The following CRIM1 variants were observed in gnomAD, a reference collection of about 807,000 sequenced individuals.
CRIM1 encodes the protein cysteine-rich motor neuron 1 protein.
CRIM1 carries 32 observed loss-of-function variants against 116.4 expected under a neutral mutation model. That is an observed-to-expected ratio of 0.27 (90% CI 0.21 to 0.37). The LOEUF (loss-of-function observed/expected upper bound fraction) is 0.37, where lower values mean the gene tolerates loss of function less well. Ranked by LOEUF, CRIM1 falls within the 10% of genes least tolerant of loss-of-function variation. CRIM1 has a pLI of 1.00. For synonymous variants in CRIM1, 590 were observed against 509.2 expected (o/e 1.16, Z -2.13); for missense variants, 1,331 against 1,354.8 (o/e 0.98, Z 0.28).
At chr2:36,531,207 G>T (rs1170888049) in intron 13 of CRIM1, among the ~76,000 whole-genome samples, 1 of 152,156 alleles carries the variant, frequency 6.6e-6, no homozygotes, top group African/African-American at 2.4e-5. Context: ...CTCCCAGGAG[G>T]TTACTCCCAC....
At position 36,528,577 on chromosome 2, in the gene CRIM1, C is replaced by T. The variant is rs186905568; in HGVS notation, c.2428+6264C>T. 8.9e-4 allele frequency among the ~76,000 whole-genome samples: 135 copies of T among 152,324 alleles called. 1 individual carries two copies. The East Asian group carries it at 0.021, about 23-fold the overall frequency. On this transcript the variant is annotated intron_variant, in intron 13 of 16. Coordinates refer to ENST00000280527, the MANE Select transcript of CRIM1 (RefSeq NM_016441.3). ...TGATTCCTGGGAACAGAGTACGTGG[C>T]ATTTATCATCAGGGCGCACCCTCAT...
rs180690634 is a variant in CRIM1, at chr2:36,482,403, C to T, written c.1372+2709C>T. Among the ~76,000 whole-genome samples, 480 of 152,180 alleles carry T rather than the reference C, an allele frequency of 3.2e-3. 5 individuals are homozygous for T. Among genetic ancestry groups the T allele is most frequent in the African/African-American group, 0.011 (452 of 41,534 alleles). ...AATGATACTAAAGGGTTATTTATGG[C>T]TACTAATAATAAACTTACAAAATAA... is the stretch of plus-strand genomic sequence containing the variant. On this transcript the variant is annotated intron_variant, in intron 7 of 16. Coordinates refer to ENST00000280527, the MANE Select transcript of CRIM1 (RefSeq NM_016441.3).
intron 5 of CRIM1, among the ~76,000 whole-genome samples, chr2:36,465,437 T>C (rs796239291): frequency 3.9e-5 from 6 of 152,324 alleles, no homozygotes; most frequent in African/African-American, 1.4e-4. Flanking sequence ...TCAATACTTG[T>C]ATACACAGGA....
At chr2:36,436,352 A>AG (rs1675314206) in intron 2 of CRIM1, among the ~76,000 whole-genome samples, 1 of 152,238 alleles carries the variant, frequency 6.6e-6, no homozygotes, top group Non-Finnish European at 1.5e-5. Context: ...TTGAAAGAAG[A>AG]GAAAAAGGAA....
In CRIM1 at chr2:36,512,261, T is replaced by G. The variant is rs758359887; in HGVS notation, c.1659-12T>G. 1 of 1,608,972 alleles carries G rather than the reference T, an allele frequency of 6.2e-7. No homozygotes were observed. The highest frequency in any genetic ancestry group is 1.1e-5 in the South Asian group (1 of 90,934). On this transcript the variant is annotated splice_polypyrimidine_tract_variant and intron_variant, in intron 9 of 16. Transcript: ENST00000280527. ...TGATTTTCTGACCTCTGACAAAATTTTAATTACCCAGGAAGAATAAGCACG... is the reference window on the plus strand; with the variant it reads ...TGATTTTCTGACCTCTGACAAAATTGTAATTACCCAGGAAGAATAAGCACG...
intron 4 of CRIM1, among the ~76,000 whole-genome samples, chr2:36,454,181 C>T (rs556446333): frequency 2.6e-5 from 4 of 152,308 alleles, no homozygotes; most frequent in Non-Finnish European, 4.4e-5. Context: ...TAACCCCAGT[C>T]CTCCTCTCAG....
chr2:36,466,505 A>ATAGTCACT (rs1392554483), intron 5 of CRIM1, among the ~76,000 whole-genome samples: 1 of 152,234 alleles, frequency 6.6e-6, no homozygotes, highest in African/African-American at 2.4e-5. Context: ...GGAGACAGAA[A>ATAGTCACT]TAGTCACTGC....
chr2:36,547,194 C>G, intron 16 of CRIM1, 23 bp downstream of exon 16: 1 of 1,579,662 alleles, frequency 6.3e-7, no homozygotes, highest in Middle Eastern at 1.7e-4. Flanking sequence ...AAAAGTTAGT[C>G]TCTTGAATGA....
chr2:36,405,734 C>G (rs975274120), intron 2 of CRIM1, among the ~76,000 whole-genome samples: 2 of 152,154 alleles, frequency 1.3e-5, no homozygotes, highest in Non-Finnish European at 2.9e-5. Context: ...ATTTCCACTA[C>G]TTCTTTCATT....
At chr2:36,397,113 C>G (rs989460910) in intron 2 of CRIM1, among the ~76,000 whole-genome samples, 2 of 152,078 alleles carry the variant, frequency 1.3e-5, no homozygotes, top group African/African-American at 4.8e-5. Flanking sequence ...TTTGATTTAC[C>G]GTAGGATGGT....
At chr2:36,541,150 A>G (rs1666915553) in intron 14 of CRIM1, among the ~76,000 whole-genome samples, 1 of 151,962 alleles carries the variant, frequency 6.6e-6, no homozygotes, top group Admixed American at 6.6e-5. Context: ...TCATTGTGTG[A>G]TCTTAGTCAA....
intron 2 of CRIM1, among the ~76,000 whole-genome samples, chr2:36,416,676 C>A (rs1358945112): frequency 6.6e-6 from 1 of 152,122 alleles, no homozygotes; most frequent in East Asian, 1.9e-4. Flanking sequence ...GTTTTTGCTG[C>A]CAGTTTTTCA....
intron 13 of CRIM1, among the ~76,000 whole-genome samples, chr2:36,536,804 G>GAA (rs3836074): frequency 3.3e-5 from 5 of 151,812 alleles, no homozygotes; most frequent in African/African-American, 9.7e-5. Context: ...TTTTCTGGGG[G>GAA]AAAAAAATGG....
chr2:36,369,649 G>A (rs1210411616), intron 1 of CRIM1, among the ~76,000 whole-genome samples: 1 of 152,180 alleles, frequency 6.6e-6, no homozygotes, highest in African/African-American at 2.4e-5. Context: ...CAGAAATGTT[G>A]CCATATAGGA....
intron 4 of CRIM1, among the ~76,000 whole-genome samples, chr2:36,464,216 T>A (rs1677811178): frequency 6.6e-6 from 1 of 152,184 alleles, no homozygotes; most frequent in African/African-American, 2.4e-5. Flanking sequence ...TGTCCCTGAG[T>A]CAGCCAGAAA....
At chr2:36,439,984 T>TG (rs573910384) in intron 2 of CRIM1, among the ~76,000 whole-genome samples, 15 of 152,260 alleles carry the variant, frequency 9.9e-5, no homozygotes, top group African/African-American at 3.6e-4. Context: ...ACTATAAGTA[T>TG]GAAGAGTCTC....
intron 8 of CRIM1, among the ~76,000 whole-genome samples, chr2:36,504,585 T>C (rs904720043): frequency 5.9e-5 from 9 of 152,204 alleles, no homozygotes; most frequent in African/African-American, 2.2e-4. Context: ...TACAGAAAGT[T>C]TACATTATCC....
chr2:36,423,970 G>A (rs1038231725), intron 2 of CRIM1, among the ~76,000 whole-genome samples: 3 of 152,168 alleles, frequency 2.0e-5, no homozygotes, highest in South Asian at 4.1e-4. Context: ...AGACAGGTAC[G>A]TAGGTAGGTG....
chr2:36,381,947 G>A (rs1179313654), intron 1 of CRIM1, among the ~76,000 whole-genome samples: 2 of 152,214 alleles, frequency 1.3e-5, no homozygotes, highest in Non-Finnish European at 2.9e-5. Flanking sequence ...TTACTCACCT[G>A]TCCCTTTCTG....
Sources: allele counts gnomAD v4.1 joint callset (sites outside exome capture counted in the v4.1 genomes callset), GRCh38; gene constraint gnomAD v4.1.1; transcripts MANE v1.5; gene names NCBI Gene and HGNC (gene_info 2026-07-23, HGNC 2026-07-21).